The following HSD17B2 variants were observed in gnomAD, a reference collection of about 807,000 sequenced individuals.
HSD17B2 encodes hydroxysteroid 17-beta dehydrogenase 2.
In HSD17B2, 32 loss-of-function variants were observed where a neutral mutation model predicts 26.9. The ratio of observed to expected loss-of-function variants is 1.19; its 90% CI spans 0.90 to 1.60. The LOEUF is 1.60. Among genes scored for constraint, HSD17B2 ranks in the 40% most tolerant of loss-of-function variants. HSD17B2 has a pLI of 0.00. For synonymous variants in HSD17B2, 246 were observed against 186.7 expected (o/e 1.32, Z -2.59); for missense variants, 613 against 468.6 (o/e 1.31, Z -2.85).
At chr16:82,049,689 G>C (rs909452471) in intron 1 of HSD17B2, among the ~76,000 whole-genome samples, 1 of 152,218 alleles carries the variant, frequency 6.6e-6, no homozygotes, top group African/African-American at 2.4e-5. Flanking sequence ...TGGAACAAAA[G>C]GTCTGGAACT....
At chr16:82,069,522 G>A (rs534769992) in intron 2 of HSD17B2, among the ~76,000 whole-genome samples, 2 of 152,264 alleles carry the variant, frequency 1.3e-5, no homozygotes, top group South Asian at 2.1e-4. Context: ...GGGGTCCCCA[G>A]CCCCCATTGC....
intron 3 of HSD17B2, among the ~76,000 whole-genome samples, chr16:82,075,906 G>GC (rs1237281068): frequency 5.9e-5 from 2 of 33,936 alleles, no homozygotes; most frequent in East Asian, 1.1e-3. Flanking sequence ...GAAAATACAT[G>GC]TTAAAAAAAA....
At chr16:82,091,122 G>A (rs1182780202) in intron 4 of HSD17B2, 83 bp downstream of exon 4, 1 of 1,322,536 alleles carries the variant, frequency 7.6e-7, no homozygotes, top group East Asian at 2.3e-5. Context: ...AGCACACATT[G>A]AACCCCTCAT....
chr16:82,047,555 G>A (rs1421689613), intron 1 of HSD17B2, among the ~76,000 whole-genome samples: 10 of 152,204 alleles, frequency 6.6e-5, no homozygotes, highest in Admixed American at 4.6e-4. Context: ...AGTATAATGT[G>A]TGAGAGTTCA....
At position 82,036,320 on chromosome 16, in the gene HSD17B2, T is replaced by G. The variant is rs1046165403; in HGVS notation, c.265+631T>G. The stretch of plus-strand genomic sequence containing the variant: ...GCTGAGCTGCCAGTTTTTCCCTTGT[T>G]TGTGTGTGTGTGTGTGTGTGTGTGT... On this transcript the variant is annotated intron_variant, in intron 1 of 4. Transcript: ENST00000199936. Among the ~76,000 whole-genome samples, 7 of 145,886 alleles carry G rather than the reference T, an allele frequency of 4.8e-5. No homozygotes were observed. The East Asian group carries it at 1.2e-3, about 25-fold the overall frequency.
At chr16:82,054,128 T>A (rs1914192907) in intron 1 of HSD17B2, among the ~76,000 whole-genome samples, 1 of 151,246 alleles carries the variant, frequency 6.6e-6, no homozygotes, top group Admixed American at 6.6e-5. Context: ...TGAACTCTCA[T>A]CTCTCATTCT....
At position 82,084,272 on chromosome 16, in the gene HSD17B2, G is replaced by A. The variant is rs115383629; in HGVS notation, c.665-6630G>A. ...ATTCTTTCTGTAAGGGCACTGTCCT[G>A]TGCATTACGGGGTGTTTAACAGCAT... is the stretch of plus-strand genomic sequence containing the variant. On this transcript the variant is annotated intron_variant, in intron 3 of 4. Transcript: ENST00000199936. Among the ~76,000 whole-genome samples, 58 of 152,208 alleles carry A rather than the reference G, an allele frequency of 3.8e-4. 1 individual carries two copies. Among genetic ancestry groups the A allele is most frequent in the African/African-American group, 1.4e-3 (57 of 41,526 alleles).
intron 1 of HSD17B2, among the ~76,000 whole-genome samples, chr16:82,058,522 G>C (rs1914340978): frequency 6.6e-6 from 1 of 152,152 alleles, no homozygotes. Context: ...CAAGCATAAA[G>C]TGAGATAACA....
rs140834795 is a variant in HSD17B2 at position 82,058,849 on chromosome 16, G to A, written c.266-9321G>A. Among the ~76,000 whole-genome samples the A allele has an allele frequency of 1.2e-4, 19 of 152,286 alleles. No homozygotes were observed. In the East Asian group the frequency reaches 3.7e-3, roughly 29 times the overall value. On this transcript the variant is annotated intron_variant, in intron 1 of 4. Transcript: ENST00000199936. The stretch of plus-strand genomic sequence containing the variant: ...TGGACAGATGGCGGGGCTCAGGGAG[G>A]GTGATGAATGGGTCCAGGGAGCGAG...
chr16:82,049,032 C>T (rs1437887847), intron 1 of HSD17B2, among the ~76,000 whole-genome samples: 1 of 152,130 alleles, frequency 6.6e-6, no homozygotes, highest in Admixed American at 6.5e-5. Flanking sequence ...CAGGTAGTCC[C>T]ATGTTGAGCT....
At chr16:82,080,895 A>C (rs1327827884) in intron 3 of HSD17B2, among the ~76,000 whole-genome samples, 1 of 152,132 alleles carries the variant, frequency 6.6e-6, no homozygotes, top group African/African-American at 2.4e-5. Flanking sequence ...ATCACAAAGC[A>C]CTATTTAATG....
At chr16:82,078,961 T>C (rs1262372819) in intron 3 of HSD17B2, among the ~76,000 whole-genome samples, 2 of 152,236 alleles carry the variant, frequency 1.3e-5, no homozygotes, top group African/African-American at 4.8e-5. Context: ...TACTATTTGA[T>C]AGCACAACAG....
At chr16:82,044,239 G>C (rs1913850222) in intron 1 of HSD17B2, 1 of 152,080 alleles carries the variant, frequency 6.6e-6, no homozygotes, top group Non-Finnish European at 1.5e-5. Context: ...ACAGATGCAG[G>C]GTTCTTCACC....
intron 3 of HSD17B2, among the ~76,000 whole-genome samples, chr16:82,088,094 T>A (rs971791122): frequency 9.8e-5 from 15 of 152,328 alleles, no homozygotes; most frequent in Admixed American, 2.6e-4. Flanking sequence ...AAAACTCTAA[T>A]GTTCAAGGTT....
intron 3 of HSD17B2, among the ~76,000 whole-genome samples, chr16:82,085,793 C>T (rs1040161946): frequency 2.1e-4 from 32 of 151,882 alleles, no homozygotes; most frequent in African/African-American, 7.5e-4. Context: ...GGTACTAATC[C>T]CCGGACCACA....
chr16:82,058,385 A>G (rs976288565), intron 1 of HSD17B2, among the ~76,000 whole-genome samples: 2 of 152,158 alleles, frequency 1.3e-5, no homozygotes, highest in Non-Finnish European at 2.9e-5. Flanking sequence ...GATGTTAATA[A>G]TAGGGAAACT....
chr16:82,084,213 C>T (rs890853653), intron 3 of HSD17B2, among the ~76,000 whole-genome samples: 1 of 152,136 alleles, frequency 6.6e-6, no homozygotes, highest in Non-Finnish European at 1.5e-5. Context: ...CAATATTTCT[C>T]AACCTTGGCA....
chr16:82,039,523 TG>T lies in HSD17B2; in HGVS notation c.265+3835del, dbSNP rs1913713570. On this transcript the variant is annotated intron_variant, in intron 1 of 4. Transcript: ENST00000199936. ...TTCATTGAGGGCCCAGTATGTGCCATGCATTTTCCAGAAGCAAAGGGGGAAG... is the reference window on the plus strand; with the variant it reads ...TTCATTGAGGGCCCAGTATGTGCCATCATTTTCCAGAAGCAAAGGGGGAAG... Among the ~76,000 whole-genome samples, 12 of 152,258 alleles carry T rather than the reference TG, an allele frequency of 7.9e-5. No homozygotes were observed. In the South Asian group the frequency reaches 2.3e-3, roughly 29 times the overall value.
Position 82,068,267 on chromosome 16 carries a change from T to C in HSD17B2, c.363T>C (p.Ala121=). 1 of 1,613,898 alleles carries C rather than the reference T, an allele frequency of 6.2e-7. No individual in the cohort carries two copies. ...TTTTGAATGAAAATGGCCCAGGAGC[T>C]GAGGAATTGCGAAGAACCTGCTCTC... ...AGVLNENGPG[A]EELRRTCSPR... The change falls in exon 2 of 5, where the codon GCT becomes GCC. Residue 121 remains alanine (A), a synonymous_variant. Transcript: ENST00000199936.
Sources: gnomAD v4.1 joint callset for allele counts (sites outside exome capture counted in the v4.1 genomes callset) on GRCh38, gnomAD v4.1.1 for gene constraint, MANE v1.5 for transcripts, NCBI Gene and HGNC (gene_info 2026-07-23, HGNC 2026-07-21) for gene names.